The following TLK1 variants were observed in gnomAD, a reference collection of about 807,000 sequenced individuals.
The protein encoded by TLK1 is serine/threonine-protein kinase tousled-like 1.
TLK1 carries 24 observed loss-of-function variants against 105.3 expected under a neutral mutation model. The ratio of observed to expected loss-of-function variants is 0.23; its 90% confidence interval spans 0.17 to 0.32. TLK1 has a LOEUF of 0.32. TLK1 is among the 10% of genes least tolerant of loss of function. TLK1 has a pLI of 1.00. For synonymous variants in TLK1, 321 were observed against 310.4 expected, an observed-to-expected ratio of 1.03 and a Z score of -0.36; for missense variants, 558 against 910.5, an observed-to-expected ratio of 0.61 and a Z score of 4.98.
At chr2:171,038,465 TC>T (rs1283235594) in intron 11 of TLK1, among the ~76,000 whole-genome samples, 1 of 152,200 alleles carries the variant, frequency 6.6e-6, no homozygotes, top group African/African-American at 2.4e-5. Flanking sequence ...TAATTTTCTC[TC>T]GATACTCTTT....
intron 3 of TLK1, among the ~76,000 whole-genome samples, chr2:171,061,749 T>C (rs1385329846): frequency 6.6e-6 from 1 of 152,254 alleles, no homozygotes; most frequent in Non-Finnish European, 1.5e-5. Context: ...TCACCTGTTC[T>C]GTATGATCGA....
chr2:171,031,471 T>A lies in TLK1; in HGVS notation c.1170-3066A>T, dbSNP rs2105398294. Among the ~76,000 whole-genome samples the A allele has an allele frequency of 3.3e-5, 5 of 152,308 alleles. No homozygotes were observed. In the South Asian group the frequency reaches 1.0e-3, roughly 32 times the overall value. On this transcript the variant is annotated intron_variant, in intron 11 of 20. Coordinates refer to ENST00000431350, the MANE Select transcript of TLK1 (RefSeq NM_012290.5). ...AACCTGCCCTCTCAAACAATTCAGTTAAATTACTTAGCAAATCTTTTATTC... is the reference window on the plus strand; with the variant it reads ...AACCTGCCCTCTCAAACAATTCAGTAAAATTACTTAGCAAATCTTTTATTC...
Position 171,135,525 on chromosome 2 carries a change from G to A in TLK1, c.140-17668C>T, listed in dbSNP as rs570506385. 3.9e-5 allele frequency among the ~76,000 whole-genome samples: 6 copies of A among 152,120 alleles called. No individual in the cohort carries two copies. The South Asian group carries it at 1.2e-3, about 32-fold the overall frequency. The stretch of plus-strand genomic sequence containing the variant: ...TCTTAAAAAAGAAAAAGATGGCCAG[G>A]CACGGTGGTTCATGCCTATAATCCC... On this transcript the variant is annotated intron_variant, in intron 1 of 20. Transcript: ENST00000431350.
intron 11 of TLK1, among the ~76,000 whole-genome samples, chr2:171,032,664 A>G (rs534632703): frequency 1.3e-5 from 2 of 152,328 alleles, no homozygotes; most frequent in Admixed American, 1.3e-4. Flanking sequence ...TACTGCCATA[A>G]GAATACACAT....
chr2:171,221,393 T>G lies in TLK1; in HGVS notation c.-6+9752A>C, dbSNP rs1693808047. Among the ~76,000 whole-genome samples the G allele has an allele frequency of 3.9e-5, 6 of 152,188 alleles. No homozygotes were observed. The South Asian group carries it at 8.3e-4, about 21-fold the overall frequency. The stretch of plus-strand genomic sequence containing the variant: ...CTTATGAATCAAACATTTAAAGGAG[T>G]GCCTATTGTGGTACTGCCCTGCACC... On this transcript the variant is annotated intron_variant, in intron 1 of 20. Coordinates refer to the TLK1 transcript ENST00000521943.
chr2:171,150,819 T>C (rs1006371875), intron 1 of TLK1, among the ~76,000 whole-genome samples: 1 of 152,198 alleles, frequency 6.6e-6, no homozygotes, highest in Non-Finnish European at 1.5e-5. Context: ...ATACACTCAT[T>C]TTTTAACTTA....
At chr2:171,031,196 T>C (rs1252115430) in intron 11 of TLK1, among the ~76,000 whole-genome samples, 1 of 152,184 alleles carries the variant, frequency 6.6e-6, no homozygotes, top group Non-Finnish European at 1.5e-5. Flanking sequence ...CTCTCCCTCT[T>C]CCTACTAGGA....
At chr2:171,106,443 G>T (rs1689929036) in intron 2 of TLK1, among the ~76,000 whole-genome samples, 1 of 152,068 alleles carries the variant, frequency 6.6e-6, no homozygotes, top group Non-Finnish European at 1.5e-5. Context: ...ATATCACACT[G>T]TACTCCATAA....
chr2:171,119,423 C>A (rs1690563272), intron 1 of TLK1, among the ~76,000 whole-genome samples: 1 of 152,300 alleles, frequency 6.6e-6, no homozygotes, highest in Non-Finnish European at 1.5e-5. Flanking sequence ...CTTTTCAGAT[C>A]TCCTTTGGCT....
chr2:171,052,309 T>C (rs1687279756), intron 8 of TLK1, among the ~76,000 whole-genome samples: 1 of 152,138 alleles, frequency 6.6e-6, no homozygotes, highest in African/African-American at 2.4e-5. Context: ...AAATAACTGG[T>C]ATTATACAGT....
intron 1 of TLK1, among the ~76,000 whole-genome samples, chr2:171,200,330 A>C (rs1275004320): frequency 1.3e-5 from 2 of 152,156 alleles, no homozygotes; most frequent in Non-Finnish European, 2.9e-5. Flanking sequence ...GCGTGATATC[A>C]TTACTTAAAG....
At chr2:171,111,750 A>T (rs1210559622) in intron 2 of TLK1, among the ~76,000 whole-genome samples, 1 of 152,218 alleles carries the variant, frequency 6.6e-6, no homozygotes, top group African/African-American at 2.4e-5. Context: ...CTAATGTGAT[A>T]GTGAATTATA....
intron 1 of TLK1, among the ~76,000 whole-genome samples, chr2:171,154,248 A>C (rs918875371): frequency 6.6e-6 from 1 of 152,134 alleles, no homozygotes. Context: ...CCTCTTCAAG[A>C]AACATTTCTT....
At chr2:171,178,411 T>A (rs967970693) in intron 1 of TLK1, among the ~76,000 whole-genome samples, 2 of 152,170 alleles carry the variant, frequency 1.3e-5, no homozygotes, top group Admixed American at 6.5e-5. Flanking sequence ...TCATGGAGCT[T>A]TCAGTTACAG....
At chr2:171,022,492 C>T (rs918323498) in intron 12 of TLK1, among the ~76,000 whole-genome samples, 3 of 152,080 alleles carry the variant, frequency 2.0e-5, no homozygotes, top group East Asian at 1.9e-4. Context: ...GGCTTAATCA[C>T]GACTTTTTCC....
At chr2:171,017,967 G>T (rs903001231) in intron 12 of TLK1, among the ~76,000 whole-genome samples, 7 of 152,210 alleles carry the variant, frequency 4.6e-5, no homozygotes, top group Non-Finnish European at 8.8e-5. Context: ...CTGGGGGAAA[G>T]GTAACTCTGC....
intron 4 of TLK1, chr2:171,059,936 G>A (rs759400698): frequency 3.9e-5 from 60 of 1,534,698 alleles, no homozygotes; most frequent in South Asian, 2.2e-4. Context: ...CCTGCTGTAC[G>A]ACCCATTTCC....
chr2:171,095,714 C>A (rs1256708933), intron 2 of TLK1, among the ~76,000 whole-genome samples: 2 of 151,636 alleles, frequency 1.3e-5, no homozygotes, highest in Non-Finnish European at 2.9e-5. Flanking sequence ...ACCACATTAA[C>A]AGAATGAAGA....
chr2:171,098,521 A>C (rs1689550091), intron 2 of TLK1, among the ~76,000 whole-genome samples: 1 of 152,214 alleles, frequency 6.6e-6, no homozygotes, highest in Non-Finnish European at 1.5e-5. Flanking sequence ...GCCCAGGCCT[A>C]GATGGTTTCA....
Sources: allele counts gnomAD v4.1 joint callset (sites outside exome capture counted in the v4.1 genomes callset), GRCh38; gene constraint gnomAD v4.1.1; transcripts MANE v1.5; gene names NCBI Gene and HGNC (gene_info 2026-07-23, HGNC 2026-07-21).